Variants in BAZ1B observed in about 807,000 individuals in gnomAD.
BAZ1B encodes the protein bromodomain adjacent to zinc finger domain 1B, also known as tyrosine-protein kinase BAZ1B.
Under a neutral mutation model 153.8 loss-of-function variants are expected in BAZ1B, and 22 were observed. The observed-to-expected ratio is 0.14, with a 90% CI of 0.10 to 0.20. The LOEUF (loss-of-function observed/expected upper bound fraction) is 0.20. Among genes scored for constraint, BAZ1B ranks in the 10% least tolerant of loss-of-function variants. The pLI is 1.00. For synonymous variants in BAZ1B, 676 were observed against 633.4 expected, an observed-to-expected ratio of 1.07 and a Z score of -1.01; for missense variants, 1,325 against 1,799.3, an observed-to-expected ratio of 0.74 and a Z score of 4.77.
intron 7 of BAZ1B, among the ~76,000 whole-genome samples, chr7:73,473,877 ACCACTTGAGCCCAAGAGGT>A (rs1788905132): frequency 6.6e-6 from 1 of 152,166 alleles, no homozygotes; most frequent in Non-Finnish European, 1.5e-5. Context: ...AAGTGGGAGG[ACCACTTGAGCCCAAGAGGT>A]CAAGGCTGCA....
In BAZ1B at chr7:73,450,804, A is replaced by C. The variant is rs1554568018; in HGVS notation, c.3580+43T>G. Reference sequence around the variant, plus strand: ...TGAAGATCTTGGGAATAGAAATCCTACTCCCTAATATACCCACATAAGCAA... The same window carrying C: ...TGAAGATCTTGGGAATAGAAATCCTCCTCCCTAATATACCCACATAAGCAA... On this transcript the variant is annotated intron_variant, in intron 14 of 19. Transcript: ENST00000339594. This position sits in a 1 kb window ranked among gnomAD's most constrained non-coding sequence, Gnocchi z 4.1. 1 of 1,596,984 alleles carries C rather than the reference A, an allele frequency of 6.3e-7. No homozygotes were observed. The highest frequency in any genetic ancestry group is 1.1e-5 in the South Asian group (1 of 90,502).
At chr7:73,510,983 A>T (rs1301095680) in intron 1 of BAZ1B, 131 bp from the exon 2 acceptor site, 4 of 750,834 alleles carry the variant, frequency 5.3e-6, no homozygotes, top group Non-Finnish European at 8.6e-6. Flanking sequence ...ATAAAAATGG[A>T]ATTGGAGGCC....
In BAZ1B at chr7:73,450,851, C is replaced by T. The variant is rs1164094340; in HGVS notation, c.3576G>A (p.Lys1192=). 6.2e-7 allele frequency: 1 copy of T among 1,613,900 alleles called. No homozygotes were observed. Among genetic ancestry groups the T allele is most frequent in the East Asian group, 2.2e-5 (1 of 44,898 alleles). ...GCAAATTTGATTTAAATATACCTTTCTTTCGACAAACTTTGCACCTAGCAT... is the reference window on the plus strand; with the variant it reads ...GCAAATTTGATTTAAATATACCTTTTTTTCGACAAACTTTGCACCTAGCAT... The part of the protein sequence containing the change: ...AENARCKVCR[K]KGEDDKLILC... Residue 1192 remains lysine (K), a synonymous_variant, in exon 14 of 20, where the codon AAG becomes AAA. Transcript: ENST00000339594. The surrounding 1 kb of genome is among the most constrained non-coding windows in gnomAD (Gnocchi z 4.1).
intron 4 of BAZ1B, among the ~76,000 whole-genome samples, chr7:73,494,677 A>G (rs1789803913): frequency 6.6e-6 from 1 of 152,132 alleles, no homozygotes; most frequent in Non-Finnish European, 1.5e-5. Flanking sequence ...TGAGCCTGGG[A>G]GGTTGAGGCT....
rs782582882 is a variant in BAZ1B at position 73,442,288 on chromosome 7, G to A, written c.4360C>T (p.Arg1454Cys). ...GCAAGCCTATCAGGAAACTTCTTGCGCTTCCTGCGGACATATGGGTGGCCA... is the reference window on the plus strand; with the variant it reads ...GCAAGCCTATCAGGAAACTTCTTGCACTTCCTGCGGACATATGGGTGGCCA... ...LPGHPYVRRK[R>C]KKFPDRLAED... Residue 1454 changes from arginine (R) to cysteine (C), a missense_variant, in exon 19 of 20, where the codon CGC becomes TGC. Arg to Cys is a radical substitution (Grantham distance 180, BLOSUM62 -3). Around this residue, in one of 9 missense-constraint regions of BAZ1B, gnomAD observed 271 missense variants for 337.2 expected, o/e 0.80. Coordinates refer to ENST00000339594, the MANE Select transcript of BAZ1B (RefSeq NM_032408.4). The A allele has an allele frequency of 1.6e-5, 26 of 1,613,984 alleles. No individual in the cohort carries two copies. Among genetic ancestry groups the A allele is most frequent in the Admixed American group, 8.3e-5 (5 of 59,982 alleles).
Position 73,463,028 on chromosome 7 carries a change from T to C in BAZ1B, c.3143A>G (p.Asn1048Ser). 6.2e-7 allele frequency: 1 copy of C among 1,614,098 alleles called. No homozygotes were observed. Among genetic ancestry groups the C allele is most frequent in the Non-Finnish European group, 8.5e-7 (1 of 1,179,962 alleles). ...PNLGLKSCDG[N>S]QELLNFLRSD... ...ACGAAGGAAGTTTAAAAGCTCCTGG[T>C]TGCCATCACAAGATTTTAGACCCAA... Residue 1048 changes from asparagine to serine, a missense_variant, in exon 12 of 20, where the codon AAC becomes AGC. Around this residue, in one of 9 missense-constraint regions of BAZ1B, gnomAD observed 431 missense variants for 563.5 expected, o/e 0.76. Transcript: ENST00000339594.
At chr7:73,466,250 A>G in intron 10 of BAZ1B, 46 bp downstream of exon 10, 1 of 1,377,050 alleles carries the variant, frequency 7.3e-7, no homozygotes, top group Non-Finnish European at 1.0e-6. Flanking sequence ...CTTCCTTAAC[A>G]ATTAAAAGGA....
At chr7:73,492,490 T>C (rs1452205085) in intron 5 of BAZ1B, among the ~76,000 whole-genome samples, 1 of 152,094 alleles carries the variant, frequency 6.6e-6, no homozygotes, top group Non-Finnish European at 1.5e-5. Context: ...CTGGGAAGAG[T>C]GATTTCCTTG....
At chr7:73,482,862 T>C (rs1270882547) in intron 6 of BAZ1B, among the ~76,000 whole-genome samples, 1 of 152,024 alleles carries the variant, frequency 6.6e-6, no homozygotes, top group East Asian at 1.9e-4. Flanking sequence ...ATAGGCCGGC[T>C]CCCCACGTGA....
intron 16 of BAZ1B, among the ~76,000 whole-genome samples, chr7:73,444,938 T>A (rs898721902): frequency 6.6e-6 from 1 of 151,910 alleles, no homozygotes; most frequent in Non-Finnish European, 1.5e-5. Flanking sequence ...CGCTTGAACC[T>A]GGGAGGCGGA....
At chr7:73,501,277 A>G (rs968616652) in intron 3 of BAZ1B, among the ~76,000 whole-genome samples, 1 of 152,108 alleles carries the variant, frequency 6.6e-6, no homozygotes, top group South Asian at 2.1e-4. Context: ...AAAACAAAAC[A>G]AAAACAAAAA....
At chr7:73,494,908 T>C (rs1789813670) in intron 4 of BAZ1B, among the ~76,000 whole-genome samples, 1 of 152,184 alleles carries the variant, frequency 6.6e-6, no homozygotes, top group Non-Finnish European at 1.5e-5. Context: ...AGTAAAAGAA[T>C]GAGAGAACAA....
In BAZ1B at chr7:73,476,812, CTTTCT is replaced by C. The variant is rs1789017292; in HGVS notation, c.2593+51_2593+55del. The C allele has an allele frequency of 3.0e-5, 46 of 1,531,542 alleles. No homozygotes were observed. In the South Asian group the frequency reaches 6.1e-4, roughly 20 times the overall value. 94.9% of individuals were successfully genotyped at this position (1,531,542 alleles called of 1,614,324 possible). On this transcript the variant is annotated intron_variant, in intron 7 of 19. Coordinates refer to ENST00000339594, the MANE Select transcript of BAZ1B (RefSeq NM_032408.4). ...ACCCTACCATTACCTCAGTAATTTC[CTTTCT>C]TTTACTATCTTCTACAGAGCTTCCC...
intron 6 of BAZ1B, among the ~76,000 whole-genome samples, chr7:73,483,919 C>T (rs782721869): frequency 2.0e-5 from 3 of 152,250 alleles, no homozygotes; most frequent in South Asian, 2.1e-4. Context: ...AAATTACAAG[C>T]AAGAGCCACT....
chr7:73,519,303 G>A (rs1351426349), intron 1 of BAZ1B, among the ~76,000 whole-genome samples: 3 of 152,126 alleles, frequency 2.0e-5, no homozygotes, highest in South Asian at 2.1e-4. Context: ...GTTGAGAACT[G>A]GGAATACTAC....
chr7:73,447,319 CTCCTCT>C lies in BAZ1B; in HGVS notation c.3783_3788del (p.Glu1272_Glu1273del). ...CCTCCTCCTCCTCTTCTTCCTCCTC[CTCCTCT>C]TCATCACTCTCATCATCTTCACTGT... On this transcript the variant is annotated inframe_deletion, in exon 16 of 20. Transcript: ENST00000339594. 1.2e-6 allele frequency: 2 copies of C among 1,611,196 alleles called. No homozygotes were observed. The highest frequency in any genetic ancestry group is 1.3e-5 in the African/African-American group (1 of 75,004).
At chr7:73,442,157 G>GT in intron 19 of BAZ1B, 24 bp downstream of exon 19, 9 of 376,848 alleles carry the variant, frequency 2.4e-5, no homozygotes, top group South Asian at 8.2e-5. Context: ...CTCCCTAGCT[G>GT]TCCCCCCACC....
intron 6 of BAZ1B, among the ~76,000 whole-genome samples, chr7:73,486,516 C>T (rs1329419760): frequency 2.0e-5 from 3 of 152,004 alleles, no homozygotes; most frequent in African/African-American, 7.2e-5. Context: ...TTAGTAGAGA[C>T]GGGGTTTCAC....
chr7:73,473,939 T>G (rs1297121646), intron 7 of BAZ1B, among the ~76,000 whole-genome samples: 1 of 152,174 alleles, frequency 6.6e-6, no homozygotes, highest in Non-Finnish European at 1.5e-5. Context: ...CACTCCAGCT[T>G]GGGTGACAGA....
Sources: allele counts gnomAD v4.1 joint callset (sites outside exome capture counted in the v4.1 genomes callset), GRCh38; gene constraint gnomAD v4.1.1; regional missense constraint gnomAD v4.1.1; non-coding constraint Gnocchi (gnomAD v3.1); transcripts MANE v1.5; gene names NCBI Gene and HGNC (gene_info 2026-07-23, HGNC 2026-07-21).